TMEFF2: variants seen among roughly 807,000 people sequenced by gnomAD.
TMEFF2 encodes transmembrane protein with EGF like and two follistatin like domains 2.
In TMEFF2, 28 loss-of-function variants were observed where a neutral mutation model predicts 53.8. The ratio of observed to expected loss-of-function variants is 0.52; its 90% CI spans 0.39 to 0.71. The LOEUF (loss-of-function observed/expected upper bound fraction) is 0.71, where lower values mean the gene tolerates loss of function less well. TMEFF2 is among the 30% of genes least tolerant of loss of function. TMEFF2 has a pLI of 0.00. For synonymous variants in TMEFF2, 162 were observed against 166.3 expected, an observed-to-expected ratio of 0.97 and a Z score of 0.20; for missense variants, 353 against 455.2, an observed-to-expected ratio of 0.78 and a Z score of 2.04.
At chr2:192,012,652 C>T (rs1042057513) in intron 5 of TMEFF2, among the ~76,000 whole-genome samples, 5 of 152,022 alleles carry the variant, frequency 3.3e-5, no homozygotes, top group South Asian at 4.2e-4. Flanking sequence ...TTTTCCTAAT[C>T]GGCAAAAGTA....
chr2:192,015,423 C>A (rs1018407367), intron 5 of TMEFF2, among the ~76,000 whole-genome samples: 3 of 143,184 alleles, frequency 2.1e-5, no homozygotes, highest in African/African-American at 7.7e-5. Flanking sequence ...GATATGTGTG[C>A]CCCTTTAAAA....
At chr2:192,087,628 G>C (rs1184635241) in intron 4 of TMEFF2, among the ~76,000 whole-genome samples, 3 of 152,082 alleles carry the variant, frequency 2.0e-5, no homozygotes, top group Non-Finnish European at 2.9e-5. Context: ...AATTAAAGAA[G>C]AAATGAAAAG....
chr2:192,153,634 T>C (rs1438922287), intron 4 of TMEFF2, among the ~76,000 whole-genome samples: 1 of 151,920 alleles, frequency 6.6e-6, no homozygotes. Flanking sequence ...ATGGGTAATA[T>C]CTGTTGATGT....
intron 3 of TMEFF2, among the ~76,000 whole-genome samples, chr2:192,180,488 A>C (rs1028223876): frequency 4.0e-5 from 6 of 151,696 alleles, no homozygotes; most frequent in African/African-American, 1.2e-4. Context: ...AAGTGTAGAC[A>C]TCATCTTCCT....
chr2:192,082,291 G>A lies in TMEFF2; in HGVS notation c.440-24516C>T, dbSNP rs575030780. Among the ~76,000 whole-genome samples, 18 of 152,074 alleles carry A rather than the reference G, an allele frequency of 1.2e-4. No homozygotes were observed. The South Asian group carries it at 1.2e-3, about 11-fold the overall frequency. ...CCCTTACCCGTGGCACACACTTCTC[G>A]TCTAGCCTAGTGCTCTTTCCCGCTA... On this transcript the variant is annotated intron_variant, in intron 4 of 9. Coordinates refer to ENST00000272771, the MANE Select transcript of TMEFF2 (RefSeq NM_016192.4).
At chr2:191,996,243 T>C (rs1686218884) in intron 7 of TMEFF2, among the ~76,000 whole-genome samples, 1 of 151,950 alleles carries the variant, frequency 6.6e-6, no homozygotes, top group Non-Finnish European at 1.5e-5. Flanking sequence ...TATATTTGTA[T>C]ATTGACACTG....
chr2:192,007,946 T>C lies in TMEFF2; in HGVS notation c.537-8738A>G, dbSNP rs1192606019. Among the ~76,000 whole-genome samples, 4 of 152,192 alleles carry C rather than the reference T, an allele frequency of 2.6e-5. No individual in the cohort carries two copies. In the East Asian group the frequency reaches 5.8e-4, roughly 22 times the overall value. On this transcript the variant is annotated intron_variant, in intron 5 of 9. Coordinates refer to ENST00000272771, the MANE Select transcript of TMEFF2 (RefSeq NM_016192.4). The stretch of plus-strand genomic sequence containing the variant: ...CCCATGTCCTTCCTGCTCTACTCTT[T>C]CCTGCTTTTTTCCTGATCTGTACTA...
intron 4 of TMEFF2, among the ~76,000 whole-genome samples, chr2:192,153,550 A>G (rs1690437228): frequency 6.6e-6 from 1 of 151,876 alleles, no homozygotes; most frequent in South Asian, 2.1e-4. Flanking sequence ...GTGCAAGCTG[A>G]TCATCAAATA....
chr2:192,095,121 G>A (rs963447917), intron 4 of TMEFF2, among the ~76,000 whole-genome samples: 1 of 152,016 alleles, frequency 6.6e-6, no homozygotes, highest in African/African-American at 2.4e-5. Context: ...TTTGCCATGT[G>A]GTTCTTAGTT....
chr2:192,095,225 G>C (rs894233999), intron 4 of TMEFF2, among the ~76,000 whole-genome samples: 1 of 152,124 alleles, frequency 6.6e-6, no homozygotes, highest in African/African-American at 2.4e-5. Flanking sequence ...AAGGCAACTT[G>C]GGTAAGAGAA....
At chr2:192,192,673 CTT>C (rs1468974293) in intron 1 of TMEFF2, among the ~76,000 whole-genome samples, 1 of 152,170 alleles carries the variant, frequency 6.6e-6, no homozygotes, top group African/African-American at 2.4e-5. Flanking sequence ...TATGTAATTT[CTT>C]GATTGCAAAT....
chr2:192,159,963 A>G lies in TMEFF2; in HGVS notation c.439+19705T>C, dbSNP rs186937983. ...ATGAGAAGAAGTAATAGGGCCAGTG[A>G]TAATTACTGGGTTACCATTTCCTTT... On this transcript the variant is annotated intron_variant, in intron 4 of 9. Coordinates refer to ENST00000272771, the MANE Select transcript of TMEFF2 (RefSeq NM_016192.4). Among the ~76,000 whole-genome samples the G allele has an allele frequency of 3.3e-5, 5 of 152,304 alleles. No homozygotes were observed. In the East Asian group the frequency reaches 9.7e-4, roughly 29 times the overall value.
In TMEFF2 at chr2:191,950,168, G is replaced by A. The variant is rs1250250738; in HGVS notation, c.*143C>T. ...ATATATCCATACATAATCAAATATA[G>A]CTGTAGTACATGTTTTCATTGGTGT... On this transcript the variant is annotated 3_prime_UTR_variant, in exon 10 of 10. Transcript: ENST00000272771. 3.4e-6 allele frequency: 5 copies of A among 1,457,042 alleles called. No individual in the cohort carries two copies. The highest frequency in any genetic ancestry group is 4.5e-6 in the Non-Finnish European group (5 of 1,109,312). The allele number at this position is 1,457,042 out of a possible 1,614,324, so 90.3% of individuals were successfully genotyped here.
chr2:192,054,026 A>G (rs892354935), intron 5 of TMEFF2, among the ~76,000 whole-genome samples: 10 of 151,984 alleles, frequency 6.6e-5, no homozygotes, highest in Admixed American at 2.0e-4. Flanking sequence ...AAACACTAAT[A>G]ACTTTTGTTC....
At chr2:192,108,114 G>A (rs1689193725) in intron 4 of TMEFF2, among the ~76,000 whole-genome samples, 1 of 151,648 alleles carries the variant, frequency 6.6e-6, no homozygotes, top group Non-Finnish European at 1.5e-5. Context: ...GTTCAAACAG[G>A]TCAATTTTTT....
intron 4 of TMEFF2, among the ~76,000 whole-genome samples, chr2:192,143,646 C>T (rs1690187460): frequency 6.6e-6 from 1 of 152,066 alleles, no homozygotes; most frequent in Admixed American, 6.6e-5. Context: ...TACCTTGCAT[C>T]AGTTGAACTT....
intron 4 of TMEFF2, among the ~76,000 whole-genome samples, chr2:192,132,656 G>A (rs1008053176): frequency 1.1e-4 from 16 of 151,984 alleles, no homozygotes; most frequent in Admixed American, 2.0e-4. Context: ...GAACTGCAGC[G>A]GCCAGGCGTT....
At chr2:191,997,521 A>C (rs1378029187) in intron 7 of TMEFF2, among the ~76,000 whole-genome samples, 2 of 151,552 alleles carry the variant, frequency 1.3e-5, no homozygotes, top group Non-Finnish European at 3.0e-5. Context: ...CTCTGCCTAA[A>C]AAACTTCACA....
intron 7 of TMEFF2, among the ~76,000 whole-genome samples, chr2:191,964,319 C>CTTTCTTTCTTTCTTTCTTT (rs1559063235): frequency 7.5e-6 from 1 of 133,734 alleles, no homozygotes; most frequent in African/African-American, 3.0e-5. Context: ...TTCTTTCCTT[C>CTTTCTTTCTTTCTTTCTTT]CTTCCTTTCT....
Sources: gnomAD v4.1 joint callset for allele counts (sites outside exome capture counted in the v4.1 genomes callset) on GRCh38, gnomAD v4.1.1 for gene constraint, MANE v1.5 for transcripts, NCBI Gene and HGNC (gene_info 2026-07-23, HGNC 2026-07-21) for gene names.